TBCD: variants seen among roughly 807,000 people sequenced by gnomAD.
The protein encoded by TBCD is tubulin folding cofactor D.
Under a neutral mutation model 169.3 loss-of-function variants are expected in TBCD, and 105 were observed. The observed-to-expected ratio is 0.62, with a 90% CI of 0.53 to 0.73. The LOEUF (loss-of-function observed/expected upper bound fraction) is 0.73. TBCD is among the 30% of genes least tolerant of loss of function. The pLI is 0.00. For missense variants in TBCD, 1,444 were observed against 1,600.1 expected (o/e 0.90, Z 1.66); for synonymous variants, 700 against 643.9 (o/e 1.09, Z -1.32).
chr17:82,763,519 T>G (rs1008773834), intron 2 of TBCD, among the ~76,000 whole-genome samples: 37 of 152,270 alleles, frequency 2.4e-4, no homozygotes, highest in Admixed American at 3.3e-4. Context: ...GGTGGGTGGA[T>G]CACCTGAGGT....
intron 7 of TBCD, 36 bp downstream of exon 7, chr17:82,781,757 G>A (rs1274574805): frequency 6.3e-7 from 1 of 1,599,784 alleles, no homozygotes; most frequent in East Asian, 2.3e-5. Flanking sequence ...GAGATCGCAG[G>A]GAAATGGCGC....
At position 82,831,525 on chromosome 17, in the gene TBCD, T is replaced by C; in HGVS notation, c.1318+16591T>C. 1 of 1,614,062 alleles carries C rather than the reference T, an allele frequency of 6.2e-7. No homozygotes were observed. The highest frequency in any genetic ancestry group is 8.5e-7 in the Non-Finnish European group (1 of 1,179,998). On this transcript the variant is annotated intron_variant, in intron 13 of 38. Transcript: ENST00000355528. This position sits in a 1 kb window ranked among gnomAD's most constrained non-coding sequence, Gnocchi z 4.6. ...AAGGAATCGGCAGGTTAGAGGGATA[T>C]TGCTGGAAAAACCTGTAGTGATCGT...
chr17:82,860,608 G>C (rs1241389138), intron 13 of TBCD, among the ~76,000 whole-genome samples: 2 of 152,232 alleles, frequency 1.3e-5, no homozygotes, highest in African/African-American at 4.8e-5. Context: ...TGTGACAGTG[G>C]AGAGCCAGCA....
intron 26 of TBCD, 123 bp from the exon 27 acceptor site, chr17:82,924,816 G>T: frequency 1.4e-6 from 1 of 710,248 alleles, no homozygotes; most frequent in Middle Eastern, 2.4e-4. Flanking sequence ...GTCTGCTTTG[G>T]GAACCTCAGG....
intron 30 of TBCD, 143 bp downstream of exon 30, chr17:82,928,131 G>A (rs2061910370): frequency 2.7e-6 from 2 of 730,460 alleles, no homozygotes; most frequent in Non-Finnish European, 4.6e-6. Flanking sequence ...TCTGGTCCCT[G>A]ACCCCAGGTT....
chr17:82,936,518 C>G (rs539724845), intron 34 of TBCD, among the ~76,000 whole-genome samples: 21 of 152,284 alleles, frequency 1.4e-4, no homozygotes, highest in African/African-American at 5.1e-4. Context: ...CGGGACGTTG[C>G]GTTTGAGGGG....
Position 82,903,031 on chromosome 17 carries a change from C to T in TBCD, c.1731-374C>T, listed in dbSNP as rs964674997. 3.9e-5 allele frequency among the ~76,000 whole-genome samples: 6 copies of T among 152,148 alleles called. No individual in the cohort carries two copies. Among genetic ancestry groups the T allele is most frequent in the African/African-American group, 1.4e-4 (6 of 41,428 alleles). On this transcript the variant is annotated intron_variant, in intron 18 of 38. Transcript: ENST00000355528. This position sits in a 1 kb window ranked among gnomAD's most constrained non-coding sequence, Gnocchi z 4.8. ...TGCCCCAGATTTGGTGGGTGAGCCT[C>T]AGGAAATTCCTTCTGTTCACCCCTT... is the stretch of plus-strand genomic sequence containing the variant.
chr17:82,822,602 A>G (rs1050593323), intron 13 of TBCD, among the ~76,000 whole-genome samples: 1 of 152,212 alleles, frequency 6.6e-6, no homozygotes, highest in African/African-American at 2.4e-5. Flanking sequence ...ATTATTCAAC[A>G]TAAAGTCAGA....
intron 13 of TBCD, chr17:82,830,116 C>T: frequency 1.9e-6 from 3 of 1,612,794 alleles, no homozygotes. Flanking sequence ...GGCCGTAGCT[C>T]TGTGAACACA....
At chr17:82,770,658 G>C (rs1411805707) in intron 5 of TBCD, among the ~76,000 whole-genome samples, 1 of 151,908 alleles carries the variant, frequency 6.6e-6, no homozygotes, top group Admixed American at 6.6e-5. Context: ...TCTGTGGAGA[G>C]GGACTGCCAG....
intron 7 of TBCD, among the ~76,000 whole-genome samples, chr17:82,793,169 C>G (rs962848914): frequency 6.6e-6 from 1 of 152,216 alleles, no homozygotes; most frequent in African/African-American, 2.4e-5. Context: ...GGCTCTGATT[C>G]TAATCAGTCA....
chr17:82,848,432 A>G (rs1192514915), intron 13 of TBCD, among the ~76,000 whole-genome samples: 1 of 152,188 alleles, frequency 6.6e-6, no homozygotes, highest in East Asian at 1.9e-4. Context: ...GGCCAAGTTT[A>G]AGAATTCCCA....
At chr17:82,861,580 A>T (rs1048503141) in intron 13 of TBCD, among the ~76,000 whole-genome samples, 3 of 152,200 alleles carry the variant, frequency 2.0e-5, no homozygotes, top group Non-Finnish European at 4.4e-5. Flanking sequence ...GTGTCCGGAG[A>T]GGGCTGTGAT....
At chr17:82,774,660 G>A (rs1156313765) in intron 6 of TBCD, among the ~76,000 whole-genome samples, 5 of 152,116 alleles carry the variant, frequency 3.3e-5, no homozygotes, top group Non-Finnish European at 5.9e-5. Context: ...CAGACGGAGC[G>A]GCGGCCGGGC....
Position 82,923,652 on chromosome 17 carries a change from G to A in TBCD, c.2179G>A (p.Asp727Asn), listed in dbSNP as rs2061550930. 2 of 1,571,932 alleles carry A rather than the reference G, an allele frequency of 1.3e-6. No homozygotes were observed. The highest frequency in any genetic ancestry group is 1.7e-6 in the Non-Finnish European group (2 of 1,157,874). ...ISSHSRQQMK[D>N]AAVSALAALC... ...GCTCACCGTGCTGCCTTTGTTTTAG[G>A]ATGCAGCAGTCTCGGCCCTGGCTGC... Residue 727 changes from aspartate to asparagine, a missense_variant and splice_region_variant, in exon 26 of 39, where the codon GAT becomes AAT. Transcript: ENST00000355528. The surrounding 1 kb of genome is among the most constrained non-coding windows in gnomAD (Gnocchi z 4.6).
At chr17:82,931,829 C>T (rs144376918) in intron 33 of TBCD, 2,135 of 152,400 alleles carry the variant, frequency 0.014, 27 homozygotes, top group Non-Finnish European at 0.021. Context: ...CAGGCTGGCT[C>T]ACACAGAGGC....
intron 13 of TBCD, among the ~76,000 whole-genome samples, chr17:82,855,117 C>G (rs1180090777): frequency 6.6e-6 from 1 of 152,090 alleles, no homozygotes; most frequent in African/African-American, 2.4e-5. Flanking sequence ...ACGGACCCCT[C>G]TTCGCCCCAT....
intron 20 of TBCD, among the ~76,000 whole-genome samples, chr17:82,907,447 C>G (rs8069662): frequency 6.6e-6 from 1 of 152,162 alleles, no homozygotes; most frequent in Non-Finnish European, 1.5e-5. Context: ...ATTTAGGAGG[C>G]GGAGGTGGGG....
At position 82,797,802 on chromosome 17, in the gene TBCD, G is replaced by A. The variant is rs759485255; in HGVS notation, c.817G>A (p.Ala273Thr). The A allele has an allele frequency of 8.3e-6, 13 of 1,573,428 alleles. No homozygotes were observed. Among genetic ancestry groups the A allele is most frequent in the Admixed American group, 7.8e-5 (4 of 51,398 alleles). The change falls in exon 8 of 39, where the codon GCT (alanine) becomes ACT (threonine). Residue 273 changes from alanine to threonine, a missense_variant and splice_region_variant. Transcript: ENST00000355528. ...AAAACGTGAAGACTGTTTGCCCTAT[G>A]GTAAGGTTTATTTTTAAGAGACGAT... ...HGKREDCLPYAATVLRCLDGC... is the reference protein window; with the variant it reads ...HGKREDCLPYTATVLRCLDGC...
Sources: allele counts gnomAD v4.1 joint callset (sites outside exome capture counted in the v4.1 genomes callset), GRCh38; gene constraint gnomAD v4.1.1; non-coding constraint Gnocchi (gnomAD v3.1); transcripts MANE v1.5; gene names NCBI Gene and HGNC (gene_info 2026-07-23, HGNC 2026-07-21).